GPT2: variants seen among roughly 807,000 people sequenced by gnomAD.
The protein encoded by GPT2 is glutamic--pyruvic transaminase 2, also known as alanine aminotransferase 2.
Under a neutral mutation model 56.9 loss-of-function variants are expected in GPT2, and 30 were observed. The ratio of observed to expected loss-of-function variants is 0.53; its 90% CI spans 0.39 to 0.72. The LOEUF (loss-of-function observed/expected upper bound fraction) is 0.72. Among genes scored for constraint, GPT2 ranks in the 30% least tolerant of loss-of-function variants. GPT2 has a pLI of 0.00. For synonymous variants in GPT2, 271 were observed against 283.1 expected (o/e 0.96, Z 0.43); for missense variants, 542 against 703.4 (o/e 0.77, Z 2.60).
chr16:46,905,751 C>T (rs1364038702), intron 4 of GPT2, among the ~76,000 whole-genome samples: 2 of 152,070 alleles, frequency 1.3e-5, no homozygotes, highest in African/African-American at 4.8e-5. Context: ...GCTGGAATAC[C>T]TTTCACACAT....
chr16:46,911,852 C>T (rs996518778), intron 6 of GPT2, among the ~76,000 whole-genome samples: 3 of 152,196 alleles, frequency 2.0e-5, no homozygotes, highest in Admixed American at 1.3e-4. Flanking sequence ...AGAGTCAACA[C>T]ATTCTTGGCC....
chr16:46,911,486 AG>A (rs1393855172), intron 6 of GPT2, among the ~76,000 whole-genome samples: 3 of 152,130 alleles, frequency 2.0e-5, no homozygotes, highest in African/African-American at 7.2e-5. Context: ...AGCTCCTGGG[AG>A]TGTGGGGGAT....
intron 3 of GPT2, among the ~76,000 whole-genome samples, chr16:46,898,393 G>C (rs558738412): frequency 6.6e-6 from 1 of 152,290 alleles, no homozygotes; most frequent in Admixed American, 6.5e-5. Flanking sequence ...AACCTCGAGA[G>C]TGCTGCCTGG....
At position 46,909,855 on chromosome 16, in the gene GPT2, C is replaced by A. The variant is rs116572438; in HGVS notation, c.748C>A (p.Arg250=). 3 of 1,614,096 alleles carry A rather than the reference C, an allele frequency of 1.9e-6. No individual in the cohort carries two copies. The East Asian group carries it at 6.7e-5, about 36-fold the overall frequency. The part of the protein sequence containing the change: ...CWALNVNELR[R]AVQEAKDHCD... ...GGCGCTGAATGTGAATGAGCTCCGG[C>A]GGGCGGTGCAGGAGGCCAAAGACCA... Residue 250 remains arginine, a synonymous_variant, in exon 6 of 12, where the codon CGG becomes AGG. Coordinates refer to ENST00000340124, the MANE Select transcript of GPT2 (RefSeq NM_133443.4).
Position 46,922,420 on chromosome 16 carries a change from A to T in GPT2, c.1212+4A>T. On this transcript the variant is annotated splice_donor_region_variant and intron_variant, in intron 9 of 11. Transcript: ENST00000340124. ...GTCCTTTGAGCAATTCAGCCGAGTGAGTCCACTGTGATGCGTCTGCACCCC... is the reference window on the plus strand; with the variant it reads ...GTCCTTTGAGCAATTCAGCCGAGTGTGTCCACTGTGATGCGTCTGCACCCC... 3 of 1,605,122 alleles carry T rather than the reference A, an allele frequency of 1.9e-6. No individual in the cohort carries two copies. Among genetic ancestry groups the T allele is most frequent in the Non-Finnish European group, 2.6e-6 (3 of 1,175,454 alleles).
chr16:46,889,933 T>G (rs1318277800), intron 2 of GPT2, among the ~76,000 whole-genome samples: 24 of 152,212 alleles, frequency 1.6e-4, no homozygotes, highest in Admixed American at 1.4e-3. Context: ...GGCCTCTGCC[T>G]TGCTGTCTTG....
chr16:46,885,416 G>A, intron 2 of GPT2: 1 of 937,618 alleles, frequency 1.1e-6, no homozygotes, highest in Non-Finnish European at 1.3e-6. Context: ...GGGGCTCTGC[G>A]GAAAGTTGGT....
intron 4 of GPT2, among the ~76,000 whole-genome samples, chr16:46,905,329 G>T (rs1401935296): frequency 6.6e-6 from 1 of 152,046 alleles, no homozygotes. Flanking sequence ...GAGTAGAGGC[G>T]TGAACCACTG....
In GPT2 at chr16:46,930,543, CAAAT is replaced by C. The variant is rs1363461509; in HGVS notation, c.*1549_*1552del. The C allele has an allele frequency of 6.6e-6, 1 of 152,176 alleles. No individual in the cohort carries two copies. The highest frequency in any genetic ancestry group is 1.5e-5 in the Non-Finnish European group (1 of 68,026). The allele number at this position is 152,176 out of a possible 1,614,324, so 9.4% of individuals were successfully genotyped here. A position where few individuals can be genotyped will look rare whatever the true frequency, so the allele number is the denominator to read the frequency against. Reference sequence around the variant, plus strand: ...CCTATGAAGAAAGTAGCCACAATCTCAAATAACAAAAGGGAATGTTCTAAAACTT... The same window carrying C: ...CCTATGAAGAAAGTAGCCACAATCTCAACAAAAGGGAATGTTCTAAAACTT... On this transcript the variant is annotated 3_prime_UTR_variant, in exon 12 of 12. Coordinates refer to ENST00000340124, the MANE Select transcript of GPT2 (RefSeq NM_133443.4).
At chr16:46,897,397 G>C (rs976016244) in intron 2 of GPT2, among the ~76,000 whole-genome samples, 1 of 152,074 alleles carries the variant, frequency 6.6e-6, no homozygotes, top group East Asian at 1.9e-4. Context: ...ATGTGACCTT[G>C]AGGAAGTTTC....
intron 6 of GPT2, among the ~76,000 whole-genome samples, chr16:46,913,133 G>A (rs140069992): frequency 1.3e-4 from 20 of 152,248 alleles, no homozygotes; most frequent in African/African-American, 3.6e-4. Flanking sequence ...TGGCTCAGCG[G>A]GCATGCTCTG....
intron 2 of GPT2, among the ~76,000 whole-genome samples, chr16:46,889,414 T>G (rs1452292258): frequency 6.6e-6 from 1 of 151,996 alleles, no homozygotes. Flanking sequence ...TGTGCCACCA[T>G]GCTGGCTAAT....
At chr16:46,896,027 C>G (rs1960679681) in intron 2 of GPT2, among the ~76,000 whole-genome samples, 1 of 152,198 alleles carries the variant, frequency 6.6e-6, no homozygotes, top group African/African-American at 2.4e-5. Context: ...GCCCTCCCAC[C>G]CGGGCTGTGG....
intron 3 of GPT2, among the ~76,000 whole-genome samples, chr16:46,899,254 G>A (rs1265315766): frequency 2.0e-5 from 3 of 151,882 alleles, no homozygotes; most frequent in Middle Eastern, 3.2e-3. Context: ...GGCTGGTCTC[G>A]AATTCCTGGA....
At chr16:46,907,116 G>A in intron 5 of GPT2, 141 bp downstream of exon 5, 1 of 1,076,746 alleles carries the variant, frequency 9.3e-7, no homozygotes, top group Non-Finnish European at 1.4e-6. Flanking sequence ...AGCCCTGGCA[G>A]CCTGCAGTCT....
At chr16:46,900,815 CT>C in intron 4 of GPT2, 25 bp downstream of exon 4, 1 of 1,599,222 alleles carries the variant, frequency 6.3e-7, no homozygotes, top group Non-Finnish European at 8.6e-7. Context: ...TGCCAGGCCC[CT>C]AGGCGTGAAA....
chr16:46,899,086 C>T (rs1006403201), intron 3 of GPT2, among the ~76,000 whole-genome samples: 18 of 144,512 alleles, frequency 1.2e-4, no homozygotes, highest in African/African-American at 3.9e-4. Flanking sequence ...GGCTGGAGTG[C>T]GATTGTCATG....
intron 1 of GPT2, 77 bp downstream of exon 1, chr16:46,884,544 G>A: frequency 1.3e-6 from 1 of 772,378 alleles, no homozygotes; most frequent in South Asian, 6.3e-5. Context: ...GCGGCGCCGT[G>A]GAGGGTCCGG....
At chr16:46,900,540 G>A in intron 3 of GPT2, 142 bp from the exon 4 acceptor site, 1 of 603,890 alleles carries the variant, frequency 1.7e-6, no homozygotes, top group Non-Finnish European at 3.0e-6. Flanking sequence ...CCACTCCCAA[G>A]CTCCCACAGG....
Sources: allele counts gnomAD v4.1 joint callset (sites outside exome capture counted in the v4.1 genomes callset), GRCh38; gene constraint gnomAD v4.1.1; transcripts MANE v1.5; gene names NCBI Gene and HGNC (gene_info 2026-07-23, HGNC 2026-07-21).